ANGPTL5: variants seen among roughly 807,000 people sequenced by gnomAD.
ANGPTL5 encodes angiopoietin like 5.
In ANGPTL5, 34 loss-of-function variants were observed where a neutral mutation model predicts 39.4. That is an observed-to-expected ratio of 0.86 (90% CI 0.66 to 1.15). ANGPTL5 has a LOEUF of 1.15. Among genes scored for constraint, ANGPTL5 ranks in the 50% most tolerant of loss-of-function variants. The probability of loss-of-function intolerance (pLI) is 0.00; values close to 1 mark genes in which losing one functional copy is unlikely to be tolerated. For synonymous variants in ANGPTL5, 146 were observed against 152.1 expected, an observed-to-expected ratio of 0.96 and a Z score of 0.29; for missense variants, 467 against 457.5, an observed-to-expected ratio of 1.02 and a Z score of -0.19.
rs1939683831 is a variant in ANGPTL5 at position 101,891,114 on chromosome 11, T to C, written c.*165A>G. ...ATACAATAAGCCATGTTTTCTTTTA[T>C]AGAATACTACAAAATTGAAGTTTTC... On this transcript the variant is annotated 3_prime_UTR_variant, in exon 9 of 9. Transcript: ENST00000334289. 3 of 583,872 alleles carry C rather than the reference T, an allele frequency of 5.1e-6. No homozygotes were observed. The highest frequency in any genetic ancestry group is 8.7e-6 in the Non-Finnish European group (3 of 345,644). The allele number at this position is 583,872 out of a possible 1,614,324, so 36.2% of individuals were successfully genotyped here.
chr11:101,905,959 T>C, intron 3 of ANGPTL5, 112 bp from the exon 4 acceptor site: 2 of 664,126 alleles, frequency 3.0e-6, no homozygotes, highest in Non-Finnish European at 5.4e-6. Context: ...CTCAATACTA[T>C]CTCAATTTAT....
rs370460099 is a variant in ANGPTL5 at position 101,905,851 on chromosome 11, A to C, written c.242-4T>G. ...ACAATAGAATTTTGCAAATTTCCTT[A>C]ACCATAATAAAAAGTGGCTGTTAAA... On this transcript the variant is annotated splice_region_variant and splice_polypyrimidine_tract_variant and intron_variant, in intron 3 of 8. Coordinates refer to ENST00000334289, the MANE Select transcript of ANGPTL5 (RefSeq NM_178127.5). 48 of 1,518,014 alleles carry C rather than the reference A, an allele frequency of 3.2e-5. No homozygotes were observed. Among genetic ancestry groups the C allele is most frequent in the Middle Eastern group, 1.7e-4 (1 of 5,860 alleles). 94.0% of individuals were successfully genotyped at this position (1,518,014 alleles called of 1,614,324 possible).
intron 3 of ANGPTL5, among the ~76,000 whole-genome samples, chr11:101,906,851 GC>G (rs1393909648): frequency 6.6e-6 from 1 of 151,994 alleles, no homozygotes; most frequent in African/African-American, 2.4e-5. Flanking sequence ...TAGGTCTAAA[GC>G]TGCACTCATT....
chr11:101,896,465 G>A (rs1392929822), intron 7 of ANGPTL5, among the ~76,000 whole-genome samples: 4 of 151,974 alleles, frequency 2.6e-5, no homozygotes, highest in Admixed American at 1.3e-4. Flanking sequence ...CCATGAACTC[G>A]TTATCTACAT....
rs150230821 is a variant in ANGPTL5 at position 101,907,253 on chromosome 11, T to A, written c.97-6A>T. ...ATGTTAACTACTGAAGAGTCCTTTA[T>A]ATTAAAAAATAGAAATAAGAAAAAA... On this transcript the variant is annotated splice_region_variant and splice_polypyrimidine_tract_variant and intron_variant, in intron 2 of 8. Transcript: ENST00000334289. The A allele has an allele frequency of 2.1e-6, 3 of 1,431,962 alleles. No homozygotes were observed. In the South Asian group the frequency reaches 3.9e-5, roughly 19 times the overall value. 88.7% of individuals were successfully genotyped at this position (1,431,962 alleles called of 1,614,324 possible). A position where few individuals can be genotyped will look rare whatever the true frequency, so the allele number is the denominator to read the frequency against.
At chr11:101,891,757 C>T (rs1939701532) in intron 8 of ANGPTL5, among the ~76,000 whole-genome samples, 159 bp from the exon 9 acceptor site, 1 of 152,182 alleles carries the variant, frequency 6.6e-6, no homozygotes, top group Non-Finnish European at 1.5e-5. Context: ...GAAGATTCAA[C>T]ATGCCACAAT....
In ANGPTL5 at chr11:101,904,998, T is replaced by G. The variant is rs1315820735; in HGVS notation, c.346-91A>C. On this transcript the variant is annotated intron_variant, in intron 4 of 8. Transcript: ENST00000334289. ...ATAAACCCAGCTCTGAAATACGTAA[T>G]GGTGCCCATTTTTCTAGATTGATTT... 6 of 894,766 alleles carry G rather than the reference T, an allele frequency of 6.7e-6. No individual in the cohort carries two copies. In the Admixed American group the frequency reaches 9.8e-5, roughly 15 times the overall value. 55.4% of individuals were successfully genotyped at this position (894,766 alleles called of 1,614,324 possible).
intron 1 of ANGPTL5, among the ~76,000 whole-genome samples, chr11:101,908,780 C>CAAAAAAAAAAA (rs59041644): frequency 6.2e-5 from 4 of 64,956 alleles, no homozygotes; most frequent in African/African-American, 1.5e-4. Flanking sequence ...GACTCCATCT[C>CAAAAAAAAAAA]AAAAAAAAAA....
At position 101,916,305 on chromosome 11, in the gene ANGPTL5, A is replaced by G. The variant is rs1940211164; in HGVS notation, c.-379T>C. On this transcript the variant is annotated 5_prime_UTR_variant, in exon 1 of 9. Transcript: ENST00000334289. ...CTGTTACAATTTTAGCAGCAAGTCA[A>G]CAATTTGTATTGAGTGCCTGCTCTT... The G allele has an allele frequency of 6.6e-6, 1 of 152,254 alleles. No individual in the cohort carries two copies. Among genetic ancestry groups the G allele is most frequent in the Non-Finnish European group, 1.5e-5 (1 of 68,042 alleles). 9.4% of individuals were successfully genotyped at this position (152,254 alleles called of 1,614,324 possible).
At chr11:101,897,438 T>C (rs905210779) in intron 7 of ANGPTL5, among the ~76,000 whole-genome samples, 1 of 152,250 alleles carries the variant, frequency 6.6e-6, no homozygotes, top group African/African-American at 2.4e-5. Context: ...CCCATGCCTA[T>C]GTCCTGAATG....
chr11:101,909,003 A>G (rs1463754970), intron 1 of ANGPTL5, among the ~76,000 whole-genome samples: 1 of 152,058 alleles, frequency 6.6e-6, no homozygotes, highest in Non-Finnish European at 1.5e-5. Context: ...CTAAGTCTTC[A>G]TTATTCTAAA....
At chr11:101,907,325 T>C in intron 2 of ANGPTL5, 78 bp from the exon 3 acceptor site, 1 of 936,222 alleles carries the variant, frequency 1.1e-6, no homozygotes. Context: ...AAAAAGACTA[T>C]AGAGAAAAGC....
At chr11:101,906,862 T>C (rs1484803029) in intron 3 of ANGPTL5, among the ~76,000 whole-genome samples, 1 of 152,094 alleles carries the variant, frequency 6.6e-6, no homozygotes, top group Non-Finnish European at 1.5e-5. Context: ...CTGCACTCAT[T>C]GGTTTGAGAA....
At chr11:101,903,614 A>G (rs1011984973) in intron 5 of ANGPTL5, among the ~76,000 whole-genome samples, 1 of 152,044 alleles carries the variant, frequency 6.6e-6, no homozygotes, top group East Asian at 1.9e-4. Context: ...ATAAAAAGTC[A>G]CTTGTTTTCC....
intron 8 of ANGPTL5, 41 bp from the exon 9 acceptor site, chr11:101,891,639 T>A (rs748379861): frequency 6.4e-7 from 1 of 1,563,244 alleles, no homozygotes; most frequent in South Asian, 1.1e-5. Flanking sequence ...AAAGGAAATT[T>A]CTATTATTTT....
chr11:101,906,495 G>A (rs1939999451), intron 3 of ANGPTL5, among the ~76,000 whole-genome samples: 1 of 152,096 alleles, frequency 6.6e-6, no homozygotes, highest in Admixed American at 6.6e-5. Context: ...ATGTTGCCAT[G>A]ATGTACCGTC....
In ANGPTL5 at chr11:101,904,815, A is replaced by G. The variant is rs1478535291; in HGVS notation, c.438T>C (p.His146=). ...AGGCTGAAATACCAAAGTTCTCACC[A>G]TGTGACTGAACAGGTCTGTGAGGAA... The part of the protein sequence containing the change: ...DPFPHRPVQS[H]GLDCTDIKDT... The change falls in exon 5 of 9, where the codon CAT becomes CAC. Residue 146 remains histidine (H), a splice_region_variant and synonymous_variant. Transcript: ENST00000334289. The G allele has an allele frequency of 6.2e-7, 1 of 1,611,874 alleles. No homozygotes were observed. Among genetic ancestry groups the G allele is most frequent in the Non-Finnish European group, 8.5e-7 (1 of 1,177,976 alleles).
rs759736887 is a variant in ANGPTL5, at chr11:101,902,669, C to T, written c.492G>A (p.Pro164=). The change falls in exon 6 of 9, where the codon CCG becomes CCA. Residue 164 remains proline, a synonymous_variant. Coordinates refer to ENST00000334289, the MANE Select transcript of ANGPTL5 (RefSeq NM_178127.5). ...KDTIGSVTKT[P]SGLYIIHPEG... is the part of the protein sequence containing the mutation. ...CTGGGTGAATTATGTATAAACCACT[C>T]GGTGTTTTGGTGACAGAGCCAATGG... 3.1e-6 allele frequency: 5 copies of T among 1,611,732 alleles called. No individual in the cohort carries two copies. Among genetic ancestry groups the T allele is most frequent in the South Asian group, 2.2e-5 (2 of 90,898 alleles).
chr11:101,914,041 T>G (rs979358841), intron 1 of ANGPTL5, among the ~76,000 whole-genome samples: 6 of 152,234 alleles, frequency 3.9e-5, no homozygotes, highest in African/African-American at 1.4e-4. Context: ...CAGTGTACAT[T>G]CCAATTTGAG....
Sources: allele counts gnomAD v4.1 joint callset (sites outside exome capture counted in the v4.1 genomes callset), GRCh38; gene constraint gnomAD v4.1.1; transcripts MANE v1.5; gene names NCBI Gene and HGNC (gene_info 2026-07-23, HGNC 2026-07-21).